The following VSIG4 variants were observed in gnomAD, a reference collection of about 807,000 sequenced individuals.
VSIG4 encodes V-set and immunoglobulin domain containing 4.
Under a neutral mutation model 23.4 loss-of-function variants are expected in VSIG4, and 34 were observed. The ratio of observed to expected loss-of-function variants is 1.45; its 90% CI spans 1.10 to 1.93. The LOEUF (loss-of-function observed/expected upper bound fraction) is 1.93, where lower values mean the gene tolerates loss of function less well. VSIG4 is among the 30% of genes most tolerant of loss of function. The probability of loss-of-function intolerance (pLI) is 0.00; values close to 1 mark genes in which losing one functional copy is unlikely to be tolerated. For synonymous variants in VSIG4, 169 were observed against 120.3 expected (o/e 1.41, Z -2.65); for missense variants, 433 against 310.8 (o/e 1.39, Z -2.96).
intron 1 of VSIG4, among the ~76,000 whole-genome samples, chrX:66,038,439 G>C (rs2085645027): frequency 9.1e-6 from 1 of 109,607 alleles, no homozygotes; most frequent in Non-Finnish European, 1.9e-5. Context: ...AAAGCTCATA[G>C]GCTGGGGAAG....
At chrX:66,036,973 A>C (rs183729136) in intron 1 of VSIG4, among the ~76,000 whole-genome samples, 464 of 24,125 alleles carry the variant, frequency 0.019, 3 homozygotes, top group African/African-American at 0.05. Flanking sequence ...TATAATATAT[A>C]ATATAATATA....
chrX:66,025,721 C>T (rs939771873), intron 5 of VSIG4, among the ~76,000 whole-genome samples: 6 of 112,134 alleles, frequency 5.4e-5, no homozygotes, highest in African/African-American at 1.9e-4. Context: ...TATTCACATC[C>T]AAATTCCTGG....
Position 66,032,471 on chromosome X carries a change from T to A in VSIG4, c.691A>T (p.Lys231Ter). ...ACCAGGAAAGAGGGCCGCTCACCTT[T>A]GACCACAAACTTCACAATGTCGCTG... ...QHSDIVKFVV[K>*]DSSKLLKTKT... Residue 231 changes from lysine to a stop codon, truncating the protein, a stop_gained, in exon 3 of 8, where the codon AAA becomes TAA. Coordinates refer to ENST00000374737, the MANE Select transcript of VSIG4 (RefSeq NM_007268.3). LOFTEE classifies it high-confidence loss of function. The A allele has an allele frequency of 8.3e-7, 1 of 1,208,993 alleles. No homozygotes were observed. The highest frequency in any genetic ancestry group is 1.1e-6 in the Non-Finnish European group (1 of 893,482).
chrX:66,022,474 G>C lies in VSIG4; in HGVS notation c.989C>G (p.Ser330Cys). The change falls in exon 8 of 8, where the codon TCT becomes TGT. Residue 330 changes from serine (S) to cysteine (C), a missense_variant. Transcript: ENST00000374737. Reference protein sequence around the residue: ...ARAHAREANDSGETMRVAIFA... With the variant: ...ARAHAREANDCGETMRVAIFA... ...GATGGCCACCCTCATGGTTTCTCCA[G>C]AGTCGTTGGCCTCTCTGGCATGTGC... The C allele has an allele frequency of 1.7e-6, 2 of 1,211,750 alleles. No homozygotes were observed. Among genetic ancestry groups the C allele is most frequent in the Non-Finnish European group, 2.2e-6 (2 of 895,523 alleles).
At chrX:66,039,561 T>C (rs2085659356) in intron 1 of VSIG4, among the ~76,000 whole-genome samples, 1 of 111,522 alleles carries the variant, frequency 9.0e-6, no homozygotes, top group African/African-American at 3.3e-5. Context: ...GGGCTGTATA[T>C]TTTAACAGAG....
In VSIG4 at chrX:66,022,326, G is replaced by A. The variant is rs1376341001; in HGVS notation, c.1137C>T (p.Arg379=). The change falls in exon 8 of 8, where the codon CGC becomes CGT. Residue 379 remains arginine (R), a synonymous_variant. Transcript: ENST00000374737. ...AATCCAGAGGAACTGTGTCCAGCAG[G>A]CGGGCGTAGTTGCCATTGATCTGGG... is the stretch of plus-strand genomic sequence containing the variant. ...IIAQINGNYA[R]LLDTVPLDYE... 36 of 1,211,105 alleles carry A rather than the reference G, an allele frequency of 3.0e-5. No homozygotes were observed. The highest frequency in any genetic ancestry group is 3.6e-5 in the Non-Finnish European group (32 of 895,439).
rs376443111 is a variant in VSIG4 at position 66,022,472 on chromosome X, C to T, written c.991G>A (p.Gly331Arg). ...RAHAREANDS[G>R]ETMRVAIFAS... The stretch of plus-strand genomic sequence containing the variant: ...AAGATGGCCACCCTCATGGTTTCTC[C>T]AGAGTCGTTGGCCTCTCTGGCATGT... The change falls in exon 8 of 8, where the codon GGA (glycine) becomes AGA (arginine). Residue 331 changes from glycine to arginine, a missense_variant. Physicochemically the swap from Gly to Arg is moderately radical, Grantham distance 125. Transcript: ENST00000374737. 17 of 1,210,686 alleles carry T rather than the reference C, an allele frequency of 1.4e-5. No individual in the cohort carries two copies. Among genetic ancestry groups the T allele is most frequent in the Non-Finnish European group, 1.8e-5 (16 of 895,346 alleles).
At chrX:66,036,464 A>T (rs2085541554) in intron 1 of VSIG4, among the ~76,000 whole-genome samples, 1 of 103,670 alleles carries the variant, frequency 9.6e-6, no homozygotes, top group Non-Finnish European at 1.9e-5. Context: ...TGTAGTAGGA[A>T]TAACACTGAT....
chrX:66,039,822 G>T, intron 1 of VSIG4, 122 bp downstream of exon 1: 1 of 808,647 alleles, frequency 1.2e-6, no homozygotes, highest in South Asian at 2.9e-5. Flanking sequence ...AGCCTGCAGA[G>T]TTTGGCTGAG....
intron 1 of VSIG4, among the ~76,000 whole-genome samples, chrX:66,034,400 CAACCCT>C (rs771889578): frequency 9.0e-6 from 1 of 111,607 alleles, no homozygotes; most frequent in South Asian, 3.8e-4. Flanking sequence ...AGTGGGGTCC[CAACCCT>C]AAGATGTTCT....
chrX:66,037,771 T>TC lies in VSIG4; in HGVS notation c.55+2172_55+2173insG, dbSNP rs1435862056. 2.9e-5 allele frequency among the ~76,000 whole-genome samples: 3 copies of TC among 103,843 alleles called. No individual in the cohort carries two copies. In the East Asian group the frequency reaches 9.0e-4, roughly 31 times the overall value. The allele number at this position is 103,843 out of a possible 115,157, so 90.2% of individuals were successfully genotyped here. A position where few individuals can be genotyped will look rare whatever the true frequency, so the allele number is the denominator to read the frequency against. On this transcript the variant is annotated intron_variant, in intron 1 of 7. Coordinates refer to ENST00000374737, the MANE Select transcript of VSIG4 (RefSeq NM_007268.3). ...TATTACTGATACGTATATATACTTATTGCTGATAAGTATATATACTTATTG... is the reference window on the plus strand; with the variant it reads ...TATTACTGATACGTATATATACTTATCTGCTGATAAGTATATATACTTATTG...
Position 66,032,594 on chromosome X carries a change from C to A in VSIG4, c.568G>T (p.Val190Leu). Residue 190 changes from valine to leucine, a missense_variant, in exon 3 of 8, where the codon GTA becomes TTA. Val to Leu is a conservative substitution (Grantham distance 32). Coordinates refer to ENST00000374737, the MANE Select transcript of VSIG4 (RefSeq NM_007268.3). ...QQTNNQEPIK[V>L]ATLSTLLFKP... ...AAGAGTAAGGTACTTAGGGTTGCTA[C>A]TTTGATGGGTTCCTGGTTATTAGTC... 1 of 1,211,564 alleles carries A rather than the reference C, an allele frequency of 8.3e-7. No homozygotes were observed. The highest frequency in any genetic ancestry group is 1.1e-6 in the Non-Finnish European group (1 of 895,452).
intron 1 of VSIG4, among the ~76,000 whole-genome samples, chrX:66,038,248 G>T (rs962459895): frequency 1.8e-5 from 2 of 111,441 alleles, no homozygotes; most frequent in African/African-American, 6.5e-5. Context: ...GTCCCACAGA[G>T]TTGTCCAGCT....
At chrX:66,038,251 G>T (rs759498730) in intron 1 of VSIG4, among the ~76,000 whole-genome samples, 1 of 111,334 alleles carries the variant, frequency 9.0e-6, no homozygotes, top group African/African-American at 3.3e-5. Context: ...CCACAGAGTT[G>T]TCCAGCTGAG....
intron 1 of VSIG4, among the ~76,000 whole-genome samples, chrX:66,036,230 T>G (rs777248683): frequency 1.8e-5 from 2 of 110,008 alleles, no homozygotes; most frequent in African/African-American, 3.3e-5. Flanking sequence ...CTTATTCTTA[T>G]CTCCTCTTCC....
At chrX:66,035,580 C>T (rs1409542374) in intron 1 of VSIG4, among the ~76,000 whole-genome samples, 2 of 111,639 alleles carry the variant, frequency 1.8e-5, no homozygotes, top group African/African-American at 6.5e-5. Flanking sequence ...GGTGAATTTT[C>T]ACCAGGTAGT....
intron 3 of VSIG4, among the ~76,000 whole-genome samples, chrX:66,030,217 C>A (rs2085448963): frequency 9.0e-6 from 1 of 110,508 alleles, no homozygotes; most frequent in African/African-American, 3.3e-5. Flanking sequence ...ATGGAGAGGT[C>A]TTGGGATTTG....
At chrX:66,032,439 G>A in intron 3 of VSIG4, 29 bp downstream of exon 3, 1 of 1,195,901 alleles carries the variant, frequency 8.4e-7, no homozygotes, top group Admixed American at 2.2e-5. Context: ...TGTGTGTTAA[G>A]ATGCTCACCA....
At position 66,032,578 on chromosome X, in the gene VSIG4, G is replaced by A; in HGVS notation, c.584C>T (p.Thr195Ile). Reference protein sequence around the residue: ...QEPIKVATLSTLLFKPAVIAD... With the variant: ...QEPIKVATLSILLFKPAVIAD... ...TATCACCGCAGGCTTGAAGAGTAAG[G>A]TACTTAGGGTTGCTACTTTGATGGG... The change falls in exon 3 of 8, where the codon ACC becomes ATC. Residue 195 changes from threonine (T) to isoleucine (I), a missense_variant. Coordinates refer to ENST00000374737, the MANE Select transcript of VSIG4 (RefSeq NM_007268.3). 3 of 1,211,459 alleles carry A rather than the reference G, an allele frequency of 2.5e-6. No individual in the cohort carries two copies. The highest frequency in any genetic ancestry group is 3.4e-6 in the Non-Finnish European group (3 of 895,363).
Sources: allele counts gnomAD v4.1 joint callset (sites outside exome capture counted in the v4.1 genomes callset), GRCh38; gene constraint gnomAD v4.1.1; transcripts MANE v1.5; gene names NCBI Gene and HGNC (gene_info 2026-07-23, HGNC 2026-07-21).